The following ASIC2 variants were observed in gnomAD, a reference collection of about 807,000 sequenced individuals.
The protein encoded by ASIC2 is acid sensing ion channel subunit 2.
A neutral mutation model predicts 57.3 loss-of-function variants in ASIC2; 25 were observed. The ratio of observed to expected loss-of-function variants is 0.44; its 90% CI spans 0.32 to 0.61. The LOEUF is 0.61. Among genes scored for constraint, ASIC2 ranks in the 20% least tolerant of loss-of-function variants. The pLI is 0.06. For missense variants in ASIC2, 641 were observed against 738.1 expected, an observed-to-expected ratio of 0.87 and a Z score of 1.52; for synonymous variants, 319 against 307.5, an observed-to-expected ratio of 1.04 and a Z score of -0.39.
intron 1 of ASIC2, among the ~76,000 whole-genome samples, chr17:33,602,361 A>G (rs546635610): frequency 2.8e-4 from 43 of 152,322 alleles, no homozygotes; most frequent in Non-Finnish European, 5.6e-4. Flanking sequence ...GCCCTTGTGA[A>G]TAAATTAATG....
At chr17:33,528,561 G>A (rs528296574) in intron 1 of ASIC2, among the ~76,000 whole-genome samples, 17 of 152,252 alleles carry the variant, frequency 1.1e-4, no homozygotes, top group East Asian at 1.9e-4. Context: ...AGATAATGGC[G>A]GCTGGTGAAG....
chr17:33,741,442 A>C (rs556641929), intron 1 of ASIC2, among the ~76,000 whole-genome samples: 1 of 152,268 alleles, frequency 6.6e-6, no homozygotes, highest in South Asian at 2.1e-4. Context: ...AAAATGCTTT[A>C]CTTTTTACAT....
chr17:33,767,275 A>G (rs1176464279), intron 1 of ASIC2, among the ~76,000 whole-genome samples: 1 of 152,156 alleles, frequency 6.6e-6, no homozygotes, highest in East Asian at 1.9e-4. Context: ...TCAAAAGTAT[A>G]TTTCCTGTGC....
chr17:33,102,874 T>C lies in ASIC2; in HGVS notation c.859+9043A>G, dbSNP rs560101567. Reference sequence around the variant, plus strand: ...TCTCGGCTCACTGCAAGCTCCGCCTTCCAGGTTCACGCCATTCTCCTGCCT... The same window carrying C: ...TCTCGGCTCACTGCAAGCTCCGCCTCCCAGGTTCACGCCATTCTCCTGCCT... On this transcript the variant is annotated intron_variant, in intron 2 of 9. Transcript: ENST00000225823. Among the ~76,000 whole-genome samples, 10 of 152,194 alleles carry C rather than the reference T, an allele frequency of 6.6e-5. No homozygotes were observed. The East Asian group carries it at 1.2e-3, about 18-fold the overall frequency.
At chr17:33,121,180 G>C (rs1597588168) in intron 1 of ASIC2, among the ~76,000 whole-genome samples, 2 of 152,350 alleles carry the variant, frequency 1.3e-5, no homozygotes, top group South Asian at 4.1e-4. Context: ...GTTGCTATTT[G>C]GCTGTGGATG....
intron 1 of ASIC2, among the ~76,000 whole-genome samples, chr17:33,658,918 G>T (rs1907160921): frequency 6.6e-6 from 1 of 152,166 alleles, no homozygotes; most frequent in African/African-American, 2.4e-5. Context: ...CAAGAGAATT[G>T]CTTGAACCTG....
chr17:34,039,069 T>C lies in ASIC2; in HGVS notation c.555+116909A>G. The C allele has an allele frequency of 2.5e-6, 4 of 1,614,164 alleles. No individual in the cohort carries two copies. In the Admixed American group the frequency reaches 5.0e-5, roughly 20 times the overall value. On this transcript the variant is annotated intron_variant, in intron 1 of 9. Transcript: ENST00000359872. ...TTTCTATAAGGAGTTTCTTGCTCAT[T>C]GTCACACATCTATTTAATCGTTCCT... is the stretch of plus-strand genomic sequence containing the variant.
intron 1 of ASIC2, among the ~76,000 whole-genome samples, chr17:33,895,166 A>T (rs1299147249): frequency 4.2e-5 from 6 of 143,970 alleles, no homozygotes; most frequent in South Asian, 2.2e-4. Context: ...TTTTTTTGCT[A>T]TTTTTTTTTT....
intron 1 of ASIC2, among the ~76,000 whole-genome samples, chr17:33,959,230 C>T (rs1338822958): frequency 6.6e-6 from 1 of 152,216 alleles, no homozygotes; most frequent in Non-Finnish European, 1.5e-5. Flanking sequence ...TTCTTCAGAG[C>T]CCTCCAAACT....
chr17:33,567,388 T>C (rs985071776), intron 1 of ASIC2, among the ~76,000 whole-genome samples: 2 of 152,116 alleles, frequency 1.3e-5, no homozygotes, highest in African/African-American at 2.4e-5. Context: ...TATACAGAGC[T>C]TGATAGCCTC....
At chr17:33,773,864 G>T (rs562726406) in intron 1 of ASIC2, among the ~76,000 whole-genome samples, 24 of 151,460 alleles carry the variant, frequency 1.6e-4, no homozygotes, top group Admixed American at 1.3e-3. Context: ...ACAGGGTTTT[G>T]CTATGTTGCC....
chr17:33,281,668 T>C (rs1048848363), intron 1 of ASIC2, among the ~76,000 whole-genome samples: 2 of 152,244 alleles, frequency 1.3e-5, no homozygotes, highest in African/African-American at 4.8e-5. Context: ...GTGCATGCTC[T>C]TTCTGTAGCT....
At chr17:33,671,191 T>G (rs1438112101) in intron 1 of ASIC2, among the ~76,000 whole-genome samples, 1 of 152,224 alleles carries the variant, frequency 6.6e-6, no homozygotes, top group African/African-American at 2.4e-5. Flanking sequence ...ATCCCAAGCC[T>G]GCCTTGACCT....
chr17:33,022,784 G>A (rs1293699297), intron 6 of ASIC2, among the ~76,000 whole-genome samples: 1 of 152,184 alleles, frequency 6.6e-6, no homozygotes, highest in Non-Finnish European at 1.5e-5. Context: ...GTCTAGTGGG[G>A]CAGACAGGTA....
chr17:33,738,813 C>T (rs1910007510), intron 1 of ASIC2, among the ~76,000 whole-genome samples: 2 of 152,198 alleles, frequency 1.3e-5, no homozygotes, highest in Non-Finnish European at 1.5e-5. Flanking sequence ...TGTATCAAGT[C>T]TTTGTGTGGC....
intron 1 of ASIC2, among the ~76,000 whole-genome samples, chr17:33,915,824 A>C (rs1215895714): frequency 6.6e-6 from 1 of 152,186 alleles, no homozygotes; most frequent in African/African-American, 2.4e-5. Context: ...GCTGAGTGAA[A>C]GTCAAGAGGA....
chr17:33,623,130 A>C (rs2142022179), intron 1 of ASIC2, among the ~76,000 whole-genome samples: 1 of 152,302 alleles, frequency 6.6e-6, no homozygotes, highest in African/African-American at 2.4e-5. Flanking sequence ...AGAGAAGTTA[A>C]GAAACCCACC....
chr17:33,521,360 C>G (rs373618256), intron 1 of ASIC2, among the ~76,000 whole-genome samples: 2 of 152,258 alleles, frequency 1.3e-5, no homozygotes, highest in South Asian at 4.2e-4. Context: ...GCCTGCCACT[C>G]GGGGCCAGCC....
chr17:34,136,925 T>A (rs903723808), intron 1 of ASIC2, among the ~76,000 whole-genome samples: 2 of 152,232 alleles, frequency 1.3e-5, no homozygotes. Context: ...TGGACCCACC[T>A]GTCTTGTAAC....
Sources: gnomAD v4.1 joint callset for allele counts (sites outside exome capture counted in the v4.1 genomes callset) on GRCh38, gnomAD v4.1.1 for gene constraint, MANE v1.5 for transcripts, NCBI Gene and HGNC (gene_info 2026-07-23, HGNC 2026-07-21) for gene names.